The following EPHA5 variants were observed in gnomAD, a reference collection of about 807,000 sequenced individuals.
EPHA5 encodes EPH receptor A5, also known as ephrin type-A receptor 5.
A neutral mutation model predicts 105.0 loss-of-function variants in EPHA5; 60 were observed. The observed-to-expected ratio is 0.57, with a 90% CI of 0.46 to 0.71. The LOEUF (loss-of-function observed/expected upper bound fraction) is 0.71. EPHA5 is among the 30% of genes least tolerant of loss of function. The pLI is 0.00. For synonymous variants in EPHA5, 513 were observed against 449.1 expected (o/e 1.14, Z -1.80); for missense variants, 1,218 against 1,274.7 (o/e 0.96, Z 0.68).
At chr4:65,580,146 A>C (rs1741473751) in intron 3 of EPHA5, among the ~76,000 whole-genome samples, 3 of 151,896 alleles carry the variant, frequency 2.0e-5, no homozygotes, top group Admixed American at 2.0e-4. Context: ...TTGAAAGAAA[A>C]AAAATTTGCT....
intron 5 of EPHA5, among the ~76,000 whole-genome samples, chr4:65,444,671 A>C (rs1726341827): frequency 6.6e-6 from 1 of 152,094 alleles, no homozygotes; most frequent in Admixed American, 6.6e-5. Context: ...TCAGATCAGA[A>C]ACATTTTATT....
At chr4:65,507,410 A>G (rs1025583124) in intron 3 of EPHA5, among the ~76,000 whole-genome samples, 3 of 152,150 alleles carry the variant, frequency 2.0e-5, no homozygotes, top group African/African-American at 4.8e-5. Flanking sequence ...GAAGAAAGCC[A>G]TTGGTAGCTT....
chr4:65,383,220 T>TACAC (rs142791536), intron 8 of EPHA5, among the ~76,000 whole-genome samples: 4,051 of 144,556 alleles, frequency 0.028, 64 homozygotes, highest in Non-Finnish European at 0.031. Context: ...ATATATGATA[T>TACAC]ACACACACAC....
At chr4:65,474,452 C>T (rs1231869967) in intron 5 of EPHA5, among the ~76,000 whole-genome samples, 1 of 152,098 alleles carries the variant, frequency 6.6e-6, no homozygotes, top group African/African-American at 2.4e-5. Flanking sequence ...AAACTATTTA[C>T]TGAGTTATAA....
chr4:65,494,314 C>A (rs551359000), intron 4 of EPHA5, among the ~76,000 whole-genome samples: 1 of 152,226 alleles, frequency 6.6e-6, no homozygotes, highest in East Asian at 1.9e-4. Flanking sequence ...AACAAAAAAT[C>A]TTCACTGCTT....
intron 5 of EPHA5, among the ~76,000 whole-genome samples, chr4:65,427,669 C>A (rs938659549): frequency 6.6e-6 from 1 of 152,136 alleles, no homozygotes; most frequent in Admixed American, 6.5e-5. Flanking sequence ...CCTAGCTAAT[C>A]TAAAAACCTA....
chr4:65,622,546 T>G (rs1012466231), intron 2 of EPHA5, among the ~76,000 whole-genome samples: 6 of 152,074 alleles, frequency 3.9e-5, no homozygotes, highest in African/African-American at 1.4e-4. Flanking sequence ...AAACTGAAAA[T>G]AAATGTAGTA....
intron 2 of EPHA5, among the ~76,000 whole-genome samples, chr4:65,602,967 A>G (rs1743884082): frequency 6.6e-6 from 1 of 152,116 alleles, no homozygotes; most frequent in Non-Finnish European, 1.5e-5. Context: ...CTACATATAT[A>G]AACATGGAGA....
chr4:65,604,672 C>A (rs547620818), intron 2 of EPHA5, among the ~76,000 whole-genome samples: 1 of 151,782 alleles, frequency 6.6e-6, no homozygotes, highest in Admixed American at 6.6e-5. Flanking sequence ...TCTAAGCTTT[C>A]TTTCCCCTTT....
At chr4:65,669,295 A>G in intron 1 of EPHA5, 1 of 743,864 alleles carries the variant, frequency 1.3e-6, no homozygotes, top group African/African-American at 1.9e-5. Flanking sequence ...CTTTCCCCCA[A>G]GGTTTTCCAC....
At position 65,348,034 on chromosome 4, in the gene EPHA5, A is replaced by G. The variant is rs2148841304; in HGVS notation, c.2595+20T>C. ...AAAGCATTTCATTGTCAAGTTGGGA[A>G]AGAGTAGTTCCATACTCACATCTTG... On this transcript the variant is annotated intron_variant, in intron 14 of 16. Coordinates refer to ENST00000613740, the MANE Select transcript of EPHA5 (RefSeq NM_001281766.3). The G allele has an allele frequency of 1.3e-6, 2 of 1,556,854 alleles. No individual in the cohort carries two copies. Among genetic ancestry groups the G allele is most frequent in the East Asian group, 4.7e-5 (2 of 43,002 alleles).
chr4:65,644,414 G>C (rs1747942614), intron 1 of EPHA5, among the ~76,000 whole-genome samples: 1 of 151,938 alleles, frequency 6.6e-6, no homozygotes, highest in Non-Finnish European at 1.5e-5. Flanking sequence ...GAACAACTTT[G>C]AATGAGCCTG....
At chr4:65,375,317 C>T (rs563353561) in intron 8 of EPHA5, among the ~76,000 whole-genome samples, 1 of 151,616 alleles carries the variant, frequency 6.6e-6, no homozygotes, top group Non-Finnish European at 1.5e-5. Context: ...CACACACAGG[C>T]AAATACACAT....
At chr4:65,537,366 G>C (rs1375774561) in intron 3 of EPHA5, among the ~76,000 whole-genome samples, 2 of 151,634 alleles carry the variant, frequency 1.3e-5, no homozygotes, top group East Asian at 3.9e-4. Flanking sequence ...AAAAATTCAA[G>C]TTTTTCAGAT....
intron 3 of EPHA5, among the ~76,000 whole-genome samples, chr4:65,498,802 A>G (rs1335633563): frequency 2.0e-5 from 3 of 151,718 alleles, no homozygotes; most frequent in Non-Finnish European, 4.4e-5. Context: ...AAGTAATGCA[A>G]ATAGATGTTT....
chr4:65,557,025 CACTT>C (rs937237253), intron 3 of EPHA5, among the ~76,000 whole-genome samples: 1 of 151,594 alleles, frequency 6.6e-6, no homozygotes, highest in African/African-American at 2.4e-5. Flanking sequence ...TTACAGGACT[CACTT>C]TCTGTAGTTT....
chr4:65,458,731 T>A (rs182441522), intron 5 of EPHA5, among the ~76,000 whole-genome samples: 1 of 152,114 alleles, frequency 6.6e-6, no homozygotes, highest in Admixed American at 6.6e-5. Flanking sequence ...TTTCTAATAG[T>A]AGGTATTCAA....
At chr4:65,383,605 A>C (rs1719791262) in intron 8 of EPHA5, among the ~76,000 whole-genome samples, 2 of 151,912 alleles carry the variant, frequency 1.3e-5, no homozygotes, top group Admixed American at 1.3e-4. Flanking sequence ...TTTTGGGATG[A>C]TGGATTTTAT....
intron 3 of EPHA5, among the ~76,000 whole-genome samples, chr4:65,536,361 C>T (rs1736285712): frequency 6.6e-6 from 1 of 151,830 alleles, no homozygotes; most frequent in South Asian, 2.1e-4. Context: ...TAAAAATCAC[C>T]GCATTTAACA....
Sources: allele counts gnomAD v4.1 joint callset (sites outside exome capture counted in the v4.1 genomes callset), GRCh38; gene constraint gnomAD v4.1.1; transcripts MANE v1.5; gene names NCBI Gene and HGNC (gene_info 2026-07-23, HGNC 2026-07-21).